Variants in PRMT2 observed in about 807,000 individuals in gnomAD.
PRMT2 encodes the protein protein arginine N-methyltransferase 2.
Under a neutral mutation model 57.6 loss-of-function variants are expected in PRMT2, and 26 were observed. The observed-to-expected ratio is 0.45, with a 90% CI of 0.33 to 0.63. PRMT2 has a LOEUF of 0.63. Among genes scored for constraint, PRMT2 ranks in the 20% least tolerant of loss-of-function variants. The probability of loss-of-function intolerance (pLI) is 0.02; values close to 1 mark genes in which losing one functional copy is unlikely to be tolerated. For synonymous variants in PRMT2, 219 were observed against 220.0 expected (o/e 1.00, Z 0.04); for missense variants, 472 against 564.4 (o/e 0.84, Z 1.66).
At chr21:46,638,248 G>A (rs2061210180) in intron 3 of PRMT2, among the ~76,000 whole-genome samples, 1 of 152,116 alleles carries the variant, frequency 6.6e-6, no homozygotes, top group Non-Finnish European at 1.5e-5. Flanking sequence ...CTTGTTATGT[G>A]TGTAATGCTG....
intron 3 of PRMT2, among the ~76,000 whole-genome samples, chr21:46,642,965 TG>T (rs894097528): frequency 6.6e-6 from 1 of 151,526 alleles, no homozygotes; most frequent in African/African-American, 2.4e-5. Context: ...CGGCAGAGGT[TG>T]CCCTGAGCCG....
rs901678173 is a variant in PRMT2 at position 46,653,642 on chromosome 21, CT to C, written c.654+3908del. The C allele has an allele frequency of 2.0e-5, 25 of 1,227,954 alleles. No homozygotes were observed. The African/African-American group carries it at 3.6e-4, about 17-fold the overall frequency. The allele number at this position is 1,227,954 out of a possible 1,614,324, so 76.1% of individuals were successfully genotyped here. A position where few individuals can be genotyped will look rare whatever the true frequency, so the allele number is the denominator to read the frequency against. On this transcript the variant is annotated intron_variant, in intron 7 of 11. Coordinates refer to ENST00000355680, the MANE Select transcript of PRMT2 (RefSeq NM_206962.4). ...GTTCATGTTTTATGCCTTGATATTTCTTTTTGGTTGCATTCCCTGGAGCTCA... is the reference window on the plus strand; with the variant it reads ...GTTCATGTTTTATGCCTTGATATTTCTTTTGGTTGCATTCCCTGGAGCTCA...
At chr21:46,643,700 T>A (rs559200485) in intron 4 of PRMT2, 61 bp downstream of exon 4, 1 of 1,524,094 alleles carries the variant, frequency 6.6e-7, no homozygotes, top group Non-Finnish European at 8.8e-7. Flanking sequence ...CAAAAGGAGA[T>A]AAATTTTGCA....
intron 7 of PRMT2, chr21:46,652,022 A>G (rs747242218): frequency 4.3e-6 from 7 of 1,613,036 alleles, no homozygotes; most frequent in South Asian, 2.2e-5. Flanking sequence ...ACATGTAGTA[A>G]AAGTCTGAAG....
intron 8 of PRMT2, chr21:46,659,381 T>A: frequency 2.0e-6 from 2 of 986,416 alleles, no homozygotes; most frequent in South Asian, 4.7e-5. Context: ...TGGCAGTCTA[T>A]GTGGCAGAAA....
intron 7 of PRMT2, chr21:46,657,086 CAT>C (rs1239838628): frequency 1.3e-5 from 2 of 151,972 alleles, no homozygotes; most frequent in Non-Finnish European, 2.9e-5. Flanking sequence ...GGGAAATGCA[CAT>C]TAAAGCCACA....
rs928978537 is a variant in PRMT2 at position 46,664,948 on chromosome 21, G to A, written c.*621G>A. 1.3e-5 allele frequency: 2 copies of A among 153,094 alleles called. No homozygotes were observed. The highest frequency in any genetic ancestry group is 4.1e-4 in the South Asian group (2 of 4,872). The allele number at this position is 153,094 out of a possible 1,614,324, so 9.5% of individuals were successfully genotyped here. On this transcript the variant is annotated 3_prime_UTR_variant, in exon 12 of 12. Transcript: ENST00000355680. ...AATAAATATTTTTAAATGAGTGAAT[G>A]TCATTGTGTATCCTGTTTTATGCAT...
intron 5 of PRMT2, among the ~76,000 whole-genome samples, chr21:46,646,019 G>A (rs2061359831): frequency 6.6e-6 from 1 of 152,132 alleles, no homozygotes; most frequent in African/African-American, 2.4e-5. Flanking sequence ...CGGCCGGAAG[G>A]TACTGTTTGT....
chr21:46,661,547 G>A (rs1252908976), intron 9 of PRMT2: 4 of 280,118 alleles, frequency 1.4e-5, no homozygotes, highest in Admixed American at 6.4e-5. Flanking sequence ...TGGAAGAGCT[G>A]AGCGCCGAAA....
Position 46,648,201 on chromosome 21 carries a change from T to A in PRMT2, c.328-257T>A. ...AAGGACAATATCTCTTTGTCATACA[T>A]GGTTGTGCACCTTTCTTGTTAAATT... On this transcript the variant is annotated intron_variant, in intron 5 of 11. Coordinates refer to ENST00000355680, the MANE Select transcript of PRMT2 (RefSeq NM_206962.4). The surrounding 1 kb of genome is among the most constrained non-coding windows in gnomAD (Gnocchi z 4.8). The A allele has an allele frequency of 2.3e-6, 1 of 429,756 alleles. No homozygotes were observed. Among genetic ancestry groups the A allele is most frequent in the South Asian group, 4.1e-5 (1 of 24,558 alleles). 26.6% of individuals were successfully genotyped at this position (429,756 alleles called of 1,614,324 possible).
chr21:46,644,186 C>G (rs977635582), intron 4 of PRMT2, 120 bp from the exon 5 acceptor site: 1 of 978,218 alleles, frequency 1.0e-6, no homozygotes, highest in East Asian at 2.7e-5. Flanking sequence ...CTGTCATTAC[C>G]CACTGACTCC....
In PRMT2 at chr21:46,658,734, C is replaced by T. The variant is rs1183965798; in HGVS notation, c.655-11C>T. On this transcript the variant is annotated splice_polypyrimidine_tract_variant and intron_variant, in intron 7 of 11. Transcript: ENST00000355680. ...TGATGTGTCTCCTGTGTGTCTTTCA[C>T]TCCTATGCAGTTTGAGTTCATGATC... 2.5e-6 allele frequency: 4 copies of T among 1,613,438 alleles called. No individual in the cohort carries two copies. Among genetic ancestry groups the T allele is most frequent in the Non-Finnish European group, 2.5e-6 (3 of 1,179,668 alleles).
intron 7 of PRMT2, chr21:46,654,822 C>A: frequency 2.3e-6 from 2 of 864,630 alleles, no homozygotes; most frequent in Non-Finnish European, 2.8e-6. Flanking sequence ...TTTGAATATC[C>A]ACGGGGGTCC....
intron 3 of PRMT2, among the ~76,000 whole-genome samples, chr21:46,641,959 C>T (rs2061284269): frequency 6.6e-6 from 1 of 152,024 alleles, no homozygotes; most frequent in African/African-American, 2.4e-5. Flanking sequence ...AAAAAAGATG[C>T]CAGCAAGTAT....
chr21:46,648,581 A>C lies in PRMT2; in HGVS notation c.451A>C (p.Ile151Leu), dbSNP rs755380133. 6.8e-6 allele frequency: 11 copies of C among 1,614,124 alleles called. No homozygotes were observed. In the South Asian group the frequency reaches 1.2e-4, roughly 18 times the overall value. ...GGACGTGGGCTGTGGGACTGGGATC[A>C]TCAGTCTCTTCTGTGCACACTATGC... is the stretch of plus-strand genomic sequence containing the variant. ...ILDVGCGTGI[I>L]SLFCAHYARP... is the part of the protein sequence containing the mutation. The change falls in exon 6 of 12, where the codon ATC (isoleucine) becomes CTC (leucine). Residue 151 changes from isoleucine (I) to leucine (L), a missense_variant. By Grantham distance (5) the Ile-to-Leu change is conservative (BLOSUM62 2). Around this residue, in one of 2 missense-constraint regions of PRMT2, gnomAD observed 243 missense variants for 347.2 expected, o/e 0.70. Transcript: ENST00000355680. This position sits in a 1 kb window ranked among gnomAD's most constrained non-coding sequence, Gnocchi z 4.8.
intron 7 of PRMT2, chr21:46,657,844 T>G (rs1371971904): frequency 6.6e-6 from 1 of 152,234 alleles, no homozygotes; most frequent in Non-Finnish European, 1.5e-5. Flanking sequence ...ATATATTTTT[T>G]GTGTGCGTGT....
intron 11 of PRMT2, 24 bp from the exon 12 acceptor site, chr21:46,664,271 C>T (rs1468587404): frequency 3.9e-6 from 6 of 1,549,296 alleles, no homozygotes; most frequent in African/African-American, 2.7e-5. Flanking sequence ...ATCTGATTGA[C>T]CTGTTGTCAT....
chr21:46,647,280 T>A (rs2061378825), intron 5 of PRMT2, among the ~76,000 whole-genome samples: 1 of 152,206 alleles, frequency 6.6e-6, no homozygotes, highest in Non-Finnish European at 1.5e-5. Context: ...TGATTTTTGT[T>A]GATTCGTGTG....
Position 46,644,377 on chromosome 21 carries a change from T to G in PRMT2, c.216T>G (p.Arg72=). 6.2e-7 allele frequency: 1 copy of G among 1,612,632 alleles called. No homozygotes were observed. The highest frequency in any genetic ancestry group is 8.5e-7 in the Non-Finnish European group (1 of 1,179,420). ...QTTADWWWGE[R]AGCCGYIPAN... The stretch of plus-strand genomic sequence containing the variant: ...CTGCAGATTGGTGGTGGGGTGAGCG[T>G]GCGGGCTGCTGTGGGTACATTCCGG... Residue 72 remains arginine, a synonymous_variant, in exon 5 of 12, where the codon CGT becomes CGG. Coordinates refer to ENST00000355680, the MANE Select transcript of PRMT2 (RefSeq NM_206962.4).
Sources: gnomAD v4.1 joint callset for allele counts (sites outside exome capture counted in the v4.1 genomes callset) on GRCh38, gnomAD v4.1.1 for gene constraint, gnomAD v4.1.1 regional missense constraint, Gnocchi (gnomAD v3.1) non-coding constraint, MANE v1.5 for transcripts, NCBI Gene and HGNC (gene_info 2026-07-23, HGNC 2026-07-21) for gene names.